Variants in TLL1 observed in about 807,000 individuals in gnomAD.
TLL1 encodes tolloid-like protein 1.
Under a neutral mutation model 128.2 loss-of-function variants are expected in TLL1, and 49 were observed. The ratio of observed to expected loss-of-function variants is 0.38; its 90% confidence interval spans 0.30 to 0.48. TLL1 has a LOEUF of 0.48. Ranked by LOEUF, TLL1 falls within the 20% of genes least tolerant of loss-of-function variation. The probability of loss-of-function intolerance (pLI) is 0.96; values close to 1 mark genes in which losing one functional copy is unlikely to be tolerated. For missense variants in TLL1, 1,123 were observed against 1,242.0 expected (o/e 0.90, Z 1.44); for synonymous variants, 454 against 418.8 (o/e 1.08, Z -1.03).
At chr4:165,940,622 A>T (rs549504613) in intron 1 of TLL1, among the ~76,000 whole-genome samples, 3 of 152,022 alleles carry the variant, frequency 2.0e-5, no homozygotes, top group African/African-American at 4.8e-5. Context: ...TTGTTCAAAA[A>T]AATGTTTCTC....
At chr4:166,044,396 G>T in intron 12 of TLL1, 1 of 1,535,530 alleles carries the variant, frequency 6.5e-7, no homozygotes, top group Non-Finnish European at 8.7e-7. Flanking sequence ...GGGATTGCCA[G>T]TAAAGCCAGA....
chr4:165,936,206 A>ATT (rs199985086), intron 1 of TLL1, among the ~76,000 whole-genome samples: 24 of 139,600 alleles, frequency 1.7e-4, no homozygotes, highest in South Asian at 4.4e-4. Context: ...ATATATATAT[A>ATT]TTTTTTTTTC....
chr4:166,091,254 C>G lies in TLL1; in HGVS notation c.2569C>G (p.Leu857Val). 6.2e-7 allele frequency: 1 copy of G among 1,613,216 alleles called. No individual in the cohort carries two copies. The highest frequency in any genetic ancestry group is 8.5e-7 in the Non-Finnish European group (1 of 1,179,488). ...GTGTGGCAACAAGATACCAGATCCC[C>G]TTGTGGCTACTGGAAATAAAATGTT... Reference protein sequence around the residue: ...RLCGNKIPDPLVATGNKMFVR... With the variant: ...RLCGNKIPDPVVATGNKMFVR... The change falls in exon 19 of 21, where the codon CTT becomes GTT. Residue 857 changes from leucine (L) to valine (V), a missense_variant. By Grantham distance (32) the Leu-to-Val change is conservative. This residue lies in a region of TLL1 where 634 missense variants were observed against 672.4 expected (regional missense o/e 0.94). Coordinates refer to ENST00000061240, the MANE Select transcript of TLL1 (RefSeq NM_012464.5).
At position 166,043,427 on chromosome 4, in the gene TLL1, C is replaced by G. The variant is rs376064311; in HGVS notation, c.1524+8C>G. ...ACCTTTCAGTCCTTTGAGGTAAAGT[C>G]TTTTAGGCTATCTTCCTGGCAAATA... On this transcript the variant is annotated splice_region_variant and intron_variant, in intron 12 of 20. Coordinates refer to ENST00000061240, the MANE Select transcript of TLL1 (RefSeq NM_012464.5). 1.2e-6 allele frequency: 2 copies of G among 1,613,884 alleles called. No homozygotes were observed. The highest frequency in any genetic ancestry group is 1.7e-5 in the Admixed American group (1 of 60,002).
chr4:166,098,741 A>AG (rs1742144021), intron 19 of TLL1, among the ~76,000 whole-genome samples: 1 of 152,126 alleles, frequency 6.6e-6, no homozygotes, highest in African/African-American at 2.4e-5. Flanking sequence ...AAACACACGC[A>AG]GAGGAGTTTT....
At chr4:165,962,798 C>A (rs1303751132) in intron 1 of TLL1, among the ~76,000 whole-genome samples, 1 of 151,928 alleles carries the variant, frequency 6.6e-6, no homozygotes, top group African/African-American at 2.4e-5. Context: ...CCTAAGGGAA[C>A]AAACACAGGA....
chr4:165,883,879 C>A (rs1283478271), intron 1 of TLL1, among the ~76,000 whole-genome samples: 1 of 152,130 alleles, frequency 6.6e-6, no homozygotes, highest in Non-Finnish European at 1.5e-5. Context: ...TGCTCATATG[C>A]CTAATACACT....
chr4:165,946,038 A>G (rs1399116644), intron 1 of TLL1, among the ~76,000 whole-genome samples: 1 of 152,182 alleles, frequency 6.6e-6, no homozygotes, highest in Non-Finnish European at 1.5e-5. Context: ...GCCTGAGAAG[A>G]TCTCAACTTG....
At chr4:166,049,506 G>C (rs887048454) in intron 12 of TLL1, among the ~76,000 whole-genome samples, 3 of 152,010 alleles carry the variant, frequency 2.0e-5, no homozygotes, top group Middle Eastern at 6.8e-3. Context: ...TTAAATTTAT[G>C]AGTAATCAAA....
chr4:166,074,047 T>C (rs905880412), intron 16 of TLL1, among the ~76,000 whole-genome samples: 1 of 152,028 alleles, frequency 6.6e-6, no homozygotes, highest in African/African-American at 2.4e-5. Flanking sequence ...ATGAGTGACA[T>C]AGAGTGATGG....
intron 1 of TLL1, among the ~76,000 whole-genome samples, chr4:165,877,445 G>A (rs796205487): frequency 2.0e-5 from 3 of 152,158 alleles, no homozygotes; most frequent in Non-Finnish European, 2.9e-5. Flanking sequence ...ATACAATCAG[G>A]TTTCTCTTAC....
At chr4:166,086,216 T>A (rs182444731) in intron 18 of TLL1, among the ~76,000 whole-genome samples, 33 of 152,248 alleles carry the variant, frequency 2.2e-4, no homozygotes, top group African/African-American at 7.7e-4. Flanking sequence ...TTACTGTACA[T>A]TAATATGAGA....
At chr4:166,010,606 A>T (rs904168542) in intron 7 of TLL1, among the ~76,000 whole-genome samples, 1 of 150,742 alleles carries the variant, frequency 6.6e-6, no homozygotes, top group Non-Finnish European at 1.5e-5. Context: ...TTGCCTTTTC[A>T]TTCAGTTGGC....
At chr4:165,886,950 T>C (rs1731186412) in intron 1 of TLL1, among the ~76,000 whole-genome samples, 1 of 152,122 alleles carries the variant, frequency 6.6e-6, no homozygotes, top group South Asian at 2.1e-4. Context: ...GGCAAAACTT[T>C]AGAGTCAAAT....
intron 1 of TLL1, among the ~76,000 whole-genome samples, chr4:165,937,863 C>CA (rs202150235): frequency 3.3e-5 from 4 of 121,566 alleles, no homozygotes; most frequent in Admixed American, 1.8e-4. Context: ...ACCCCCCCCC[C>CA]AAAAAAAAGC....
intron 12 of TLL1, chr4:166,044,514 C>CAAAAAAAAAA: frequency 8.6e-7 from 1 of 1,158,556 alleles, no homozygotes; most frequent in Admixed American, 2.2e-5. Context: ...CTTTTGTTAC[C>CAAAAAAAAAA]AAAAAAATAT....
At chr4:165,973,824 C>T (rs1735743185) in intron 1 of TLL1, among the ~76,000 whole-genome samples, 2 of 151,886 alleles carry the variant, frequency 1.3e-5, no homozygotes, top group African/African-American at 4.8e-5. Context: ...AGCCACCATG[C>T]CCAGCTAATT....
At chr4:165,959,355 T>A (rs996970465) in intron 1 of TLL1, among the ~76,000 whole-genome samples, 1 of 152,190 alleles carries the variant, frequency 6.6e-6, no homozygotes, top group Non-Finnish European at 1.5e-5. Context: ...CATGGAATGT[T>A]CTTCCATTTA....
rs144165800 is a variant in TLL1 at position 165,910,215 on chromosome 4, G to T, written c.169+36142G>T. ...GAGAACATGACTTTCTTACAGGATG[G>T]ATTTGTAAGCTCATTAAAAAGGCCT... On this transcript the variant is annotated intron_variant, in intron 1 of 20. Coordinates refer to ENST00000061240, the MANE Select transcript of TLL1 (RefSeq NM_012464.5). Among the ~76,000 whole-genome samples the T allele has an allele frequency of 8.8e-3, 1,332 of 152,224 alleles. 21 individuals are homozygous for T. Among genetic ancestry groups the T allele is most frequent in the African/African-American group, 0.03 (1,252 of 41,528 alleles).
Sources: allele counts gnomAD v4.1 joint callset (sites outside exome capture counted in the v4.1 genomes callset), GRCh38; gene constraint gnomAD v4.1.1; regional missense constraint gnomAD v4.1.1; transcripts MANE v1.5; gene names NCBI Gene and HGNC (gene_info 2026-07-23, HGNC 2026-07-21).